Variants in CEP126 observed in about 807,000 individuals in gnomAD.
CEP126 encodes centrosomal protein 126.
A neutral mutation model predicts 107.8 loss-of-function variants in CEP126; 74 were observed. The observed-to-expected ratio is 0.69, with a 90% CI of 0.57 to 0.83. The LOEUF (loss-of-function observed/expected upper bound fraction) is 0.83, where lower values mean the gene tolerates loss of function less well. CEP126 is among the 40% of genes least tolerant of loss of function. CEP126 has a pLI of 0.00. For synonymous variants in CEP126, 449 were observed against 446.0 expected (o/e 1.01, Z -0.08); for missense variants, 1,237 against 1,281.9 (o/e 0.96, Z 0.53).
intron 7 of CEP126, among the ~76,000 whole-genome samples, chr11:101,979,812 T>A (rs1192253214): frequency 1.3e-5 from 2 of 152,158 alleles, no homozygotes; most frequent in Non-Finnish European, 2.9e-5. Context: ...GTAAGTGAAA[T>A]CAAATATGGC....
intron 10 of CEP126, among the ~76,000 whole-genome samples, chr11:101,996,727 TC>T (rs1941445765): frequency 6.6e-6 from 1 of 152,128 alleles, no homozygotes; most frequent in Non-Finnish European, 1.5e-5. Context: ...GAAAGGAACT[TC>T]CAAGGACTAA....
At chr11:101,933,552 G>A (rs1264615678) in intron 2 of CEP126, among the ~76,000 whole-genome samples, 3 of 152,012 alleles carry the variant, frequency 2.0e-5, no homozygotes, top group Non-Finnish European at 4.4e-5. Context: ...ATAAAACAAG[G>A]TAATACATAA....
At chr11:101,953,652 G>A (rs1369419534) in intron 4 of CEP126, among the ~76,000 whole-genome samples, 1 of 151,990 alleles carries the variant, frequency 6.6e-6, no homozygotes, top group Non-Finnish European at 1.5e-5. Flanking sequence ...AAAGATAGTG[G>A]TCAAGAAATA....
At chr11:101,946,950 A>T (rs867761478) in intron 3 of CEP126, among the ~76,000 whole-genome samples, 3 of 152,176 alleles carry the variant, frequency 2.0e-5, no homozygotes, top group African/African-American at 7.2e-5. Context: ...AATAATTTTT[A>T]AATTATTTAT....
intron 8 of CEP126, among the ~76,000 whole-genome samples, chr11:101,985,130 A>G (rs1941301603): frequency 6.6e-6 from 1 of 152,186 alleles, no homozygotes; most frequent in Non-Finnish European, 1.5e-5. Context: ...CCAAACAACC[A>G]CAGATAATCC....
chr11:101,976,196 C>A (rs951715003), intron 6 of CEP126, among the ~76,000 whole-genome samples: 1 of 152,198 alleles, frequency 6.6e-6, no homozygotes, highest in African/African-American at 2.4e-5. Context: ...AGATTCCCAC[C>A]AGCAGCATTT....
Position 101,944,406 on chromosome 11 carries a change from A to T in CEP126, c.390A>T (p.Lys130Asn), listed in dbSNP as rs1940708820. Reference protein sequence around the residue: ...RAHVPLSQRRKAVSRKPVPPL... With the variant: ...RAHVPLSQRRNAVSRKPVPPL... ...ATGTTCCTCTTTCACAGCGGAGGAA[A>T]GCAGGTGCCTTAATTTCTAGAACAG... Residue 130 changes from lysine (K) to asparagine (N), a missense_variant, in exon 3 of 11, where the codon AAA becomes AAT. By Grantham distance (94) the Lys-to-Asn change is moderately conservative. This residue lies in a region of CEP126 where 1,134 missense variants were observed against 1,150.5 expected (regional missense o/e 0.99). Coordinates refer to ENST00000263468, the MANE Select transcript of CEP126 (RefSeq NM_020802.4). 6.2e-7 allele frequency: 1 copy of T among 1,608,120 alleles called. No homozygotes were observed. Among genetic ancestry groups the T allele is most frequent in the Non-Finnish European group, 8.5e-7 (1 of 1,178,198 alleles).
At chr11:101,938,526 C>A (rs888507949) in intron 2 of CEP126, among the ~76,000 whole-genome samples, 2 of 151,306 alleles carry the variant, frequency 1.3e-5, no homozygotes, top group African/African-American at 4.9e-5. Context: ...TGATTTTAAA[C>A]CTTTCCCCTT....
intron 2 of CEP126, among the ~76,000 whole-genome samples, chr11:101,940,487 T>C (rs1388096787): frequency 6.6e-6 from 1 of 152,230 alleles, no homozygotes; most frequent in Non-Finnish European, 1.5e-5. Context: ...TGCTTCTATA[T>C]AACAAACCAC....
intron 1 of CEP126, among the ~76,000 whole-genome samples, chr11:101,918,106 T>TC (rs1304325307): frequency 6.6e-6 from 1 of 151,928 alleles, no homozygotes; most frequent in Non-Finnish European, 1.5e-5. Context: ...TGTCTTTTTT[T>TC]CCCCCCAGGC....
intron 1 of CEP126, among the ~76,000 whole-genome samples, chr11:101,922,360 T>C (rs1004294587): frequency 1.5e-4 from 23 of 151,976 alleles, no homozygotes; most frequent in Admixed American, 1.2e-3. Flanking sequence ...AGACGGGGTT[T>C]TGCCACGTTG....
intron 4 of CEP126, among the ~76,000 whole-genome samples, chr11:101,953,662 A>G (rs1267766059): frequency 6.6e-6 from 1 of 152,132 alleles, no homozygotes; most frequent in African/African-American, 2.4e-5. Flanking sequence ...GTCAAGAAAT[A>G]CCTATTTTTG....
intron 10 of CEP126, 38 bp from the exon 11 acceptor site, chr11:101,997,561 A>AT: frequency 6.2e-7 from 1 of 1,613,894 alleles, no homozygotes; most frequent in Non-Finnish European, 8.5e-7. Flanking sequence ...GTGTTTTGGC[A>AT]TGTGTTTGCA....
intron 6 of CEP126, among the ~76,000 whole-genome samples, chr11:101,973,652 C>G (rs1464855618): frequency 3.9e-5 from 6 of 151,996 alleles, no homozygotes; most frequent in Non-Finnish European, 8.8e-5. Flanking sequence ...GTACATGTAT[C>G]CTAAAACTTA....
intron 2 of CEP126, among the ~76,000 whole-genome samples, chr11:101,932,173 A>G (rs1237311141): frequency 5.3e-5 from 8 of 152,238 alleles, no homozygotes. Context: ...TGCCTGGCAC[A>G]GAATAATATA....
intron 8 of CEP126, among the ~76,000 whole-genome samples, chr11:101,983,035 AT>A: frequency 6.6e-6 from 1 of 152,222 alleles, no homozygotes; most frequent in East Asian, 1.9e-4. Context: ...AAAATGATAC[AT>A]GTACCAATGG....
At position 101,978,424 on chromosome 11, in the gene CEP126, G is replaced by C; in HGVS notation, c.2923G>C (p.Gly975Arg). The change falls in exon 7 of 11, where the codon GGA (glycine) becomes CGA (arginine). Residue 975 changes from glycine (G) to arginine (R), a missense_variant. Coordinates refer to ENST00000263468, the MANE Select transcript of CEP126 (RefSeq NM_020802.4). Reference protein sequence around the residue: ...NILEQKRQNPGSVGQKYSEQI... With the variant: ...NILEQKRQNPRSVGQKYSEQI... Reference sequence around the variant, plus strand: ...TTTAGAGCAGAAAAGACAAAACCCTGGATCTGTAGGACAGAAGTACAGTGA... The same window carrying C: ...TTTAGAGCAGAAAAGACAAAACCCTCGATCTGTAGGACAGAAGTACAGTGA... 1.2e-6 allele frequency: 2 copies of C among 1,612,332 alleles called. No homozygotes were observed. Among genetic ancestry groups the C allele is most frequent in the Non-Finnish European group, 1.7e-6 (2 of 1,178,598 alleles).
chr11:101,974,313 G>A (rs556096609), intron 6 of CEP126, among the ~76,000 whole-genome samples: 4 of 152,090 alleles, frequency 2.6e-5, no homozygotes, highest in Admixed American at 1.3e-4. Flanking sequence ...ATTCCCCGGG[G>A]CTATGAGAGG....
At chr11:101,955,571 T>C (rs1001419797) in intron 4 of CEP126, among the ~76,000 whole-genome samples, 2 of 152,092 alleles carry the variant, frequency 1.3e-5, no homozygotes, top group African/African-American at 2.4e-5. Context: ...GAAAATACTC[T>C]AAGAGCAAGA....
Sources: allele counts gnomAD v4.1 joint callset (sites outside exome capture counted in the v4.1 genomes callset), GRCh38; gene constraint gnomAD v4.1.1; regional missense constraint gnomAD v4.1.1; transcripts MANE v1.5; gene names NCBI Gene and HGNC (gene_info 2026-07-23, HGNC 2026-07-21).